Variants in MEIS1 observed in about 807,000 individuals in gnomAD.
The protein encoded by MEIS1 is Meis homeobox 1.
Under a neutral mutation model 50.8 loss-of-function variants are expected in MEIS1, and 5 were observed. The observed-to-expected ratio is 0.10, with a 90% CI of 0.05 to 0.21. The LOEUF (loss-of-function observed/expected upper bound fraction) is 0.21, where lower values mean the gene tolerates loss of function less well. Ranked by LOEUF, MEIS1 falls within the 10% of genes least tolerant of loss-of-function variation. The pLI, the probability that MEIS1 is intolerant of heterozygous loss-of-function variation, is 1.00. For synonymous variants in MEIS1, 176 were observed against 179.3 expected, an observed-to-expected ratio of 0.98 and a Z score of 0.15; for missense variants, 318 against 517.3, an observed-to-expected ratio of 0.61 and a Z score of 3.74.
intron 7 of MEIS1, among the ~76,000 whole-genome samples, chr2:66,472,978 A>G (rs956716743): frequency 2.0e-5 from 3 of 152,200 alleles, no homozygotes; most frequent in African/African-American, 7.2e-5. Flanking sequence ...ATACCTTATC[A>G]GAGTAATATA....
chr2:66,490,149 C>T (rs1038894525), intron 7 of MEIS1, among the ~76,000 whole-genome samples: 4 of 152,176 alleles, frequency 2.6e-5, no homozygotes, highest in African/African-American at 4.8e-5. Context: ...GCAAATTCAG[C>T]GTCTACAGTT....
chr2:66,441,375 G>A (rs1671977072), intron 4 of MEIS1, 39 bp from the exon 5 acceptor site: 3 of 1,524,232 alleles, frequency 2.0e-6, no homozygotes, highest in Non-Finnish European at 2.6e-6. Flanking sequence ...TTTTCTGCAA[G>A]CCAGGAATGG....
intron 7 of MEIS1, among the ~76,000 whole-genome samples, chr2:66,484,740 G>C (rs1222039444): frequency 6.6e-6 from 1 of 151,658 alleles, no homozygotes; most frequent in Non-Finnish European, 1.5e-5. Context: ...TTTTATTTTT[G>C]GTAGAGACAA....
chr2:66,536,878 TTCTCTC>T (rs147183784), intron 8 of MEIS1, among the ~76,000 whole-genome samples: 1 of 150,620 alleles, frequency 6.6e-6, no homozygotes, highest in South Asian at 2.1e-4. Flanking sequence ...TTAAAGTGCA[TTCTCTC>T]TCTCTCTCTC....
rs188466023 is a variant in MEIS1 at position 66,534,306 on chromosome 2, C to T, written c.889-13637C>T. Among the ~76,000 whole-genome samples, 1,240 of 152,202 alleles carry T rather than the reference C, an allele frequency of 8.1e-3. 28 individuals carry two copies. The highest frequency in any genetic ancestry group is 0.028 in the African/African-American group (1,175 of 41,530). ...ATCCCAGCACTTTGGGAGGCCAAGG[C>T]GGGCGGATCACGAGGTCAGGGGTTT... On this transcript the variant is annotated intron_variant, in intron 8 of 12. Coordinates refer to ENST00000272369, the MANE Select transcript of MEIS1 (RefSeq NM_002398.3).
chr2:66,571,287 C>G lies in MEIS1; in HGVS notation c.*79C>G, dbSNP rs1675481182. Reference sequence around the variant, plus strand: ...AGGGGAGTATGTAGCCCGGGGTGGTCCAATGGGTGTGAGTATGGGACAGCC... The same window carrying G: ...AGGGGAGTATGTAGCCCGGGGTGGTGCAATGGGTGTGAGTATGGGACAGCC... On this transcript the variant is annotated 3_prime_UTR_variant, in exon 13 of 13. Coordinates refer to ENST00000272369, the MANE Select transcript of MEIS1 (RefSeq NM_002398.3). The G allele has an allele frequency of 6.3e-7, 1 of 1,597,216 alleles. No individual in the cohort carries two copies. The highest frequency in any genetic ancestry group is 1.3e-5 in the African/African-American group (1 of 74,502).
rs1220838562 is a variant in MEIS1, at chr2:66,435,780, G to C, written c.-77G>C. ...TTTTTTTTTTTTTCCGGGGGAGTTT[G>C]AATATTTGTTTCTTTTCACACTGGC... On this transcript the variant is annotated 5_prime_UTR_variant, in exon 1 of 13. Coordinates refer to ENST00000272369, the MANE Select transcript of MEIS1 (RefSeq NM_002398.3). 1 of 395,676 alleles carries C rather than the reference G, an allele frequency of 2.5e-6. No individual in the cohort carries two copies. Among genetic ancestry groups the C allele is most frequent in the Non-Finnish European group, 4.2e-6 (1 of 237,422 alleles). The allele number at this position is 395,676 out of a possible 1,614,324, so 24.5% of individuals were successfully genotyped here.
chr2:66,521,866 T>A (rs143111237), intron 8 of MEIS1, among the ~76,000 whole-genome samples: 2 of 152,340 alleles, frequency 1.3e-5, no homozygotes, highest in African/African-American at 4.8e-5. Flanking sequence ...GCTCCTGAGC[T>A]ACAAAGCAAT....
chr2:66,447,554 A>G (rs1407652339), intron 6 of MEIS1, among the ~76,000 whole-genome samples: 3 of 152,186 alleles, frequency 2.0e-5, no homozygotes, highest in Non-Finnish European at 4.4e-5. Context: ...TAGGCCCTTT[A>G]TTACATAGCA....
rs1415946003 is a variant in MEIS1, at chr2:66,571,768, A to G, written c.*560A>G. On this transcript the variant is annotated 3_prime_UTR_variant, in exon 13 of 13. Transcript: ENST00000272369. ...ATATTGTAAATGCTATTATACTGTT[A>G]TCCATATTACGTTGTTTCTTATAGA... 2.3e-5 allele frequency: 12 copies of G among 513,110 alleles called. No homozygotes were observed. The highest frequency in any genetic ancestry group is 3.9e-5 in the African/African-American group (2 of 50,964). 31.8% of individuals were successfully genotyped at this position (513,110 alleles called of 1,614,324 possible). A position where few individuals can be genotyped will look rare whatever the true frequency, so the allele number is the denominator to read the frequency against.
chr2:66,454,704 T>C (rs567851412), intron 6 of MEIS1: 3 of 152,240 alleles, frequency 2.0e-5, no homozygotes, highest in African/African-American at 7.2e-5. Context: ...TTAATTTGTT[T>C]GCAGAACAAG....
intron 7 of MEIS1, among the ~76,000 whole-genome samples, chr2:66,481,605 TC>T (rs2103785242): frequency 6.6e-6 from 1 of 152,314 alleles, no homozygotes; most frequent in Admixed American, 6.5e-5. Context: ...GATTTTTCAA[TC>T]CTGGTACCTT....
rs558509818 is a variant in MEIS1, at chr2:66,437,931, C to T, written c.207C>T (p.Asp69=). 472 of 1,592,744 alleles carry T rather than the reference C, an allele frequency of 3.0e-4. 3 individuals carry two copies. In the Middle Eastern group the frequency reaches 3.6e-3, roughly 12 times the overall value. ...CCAGCATGGGCTCCTCTGTCAATGACGCTTTAAAGAGAGATAAAGATGCCA... is the reference window on the plus strand; with the variant it reads ...CCAGCATGGGCTCCTCTGTCAATGATGCTTTAAAGAGAGATAAAGATGCCA... The part of the protein sequence containing the change: ...MAPSMGSSVN[D]ALKRDKDAIY... The change falls in exon 2 of 13, where the codon GAC becomes GAT. Residue 69 remains aspartate, a synonymous_variant. Transcript: ENST00000272369.
intron 9 of MEIS1, among the ~76,000 whole-genome samples, chr2:66,560,926 A>G (rs1675198219): frequency 6.6e-6 from 1 of 152,156 alleles, no homozygotes; most frequent in African/African-American, 2.4e-5. Context: ...AACTAGAAAA[A>G]GGTGCCAAAA....
At chr2:66,489,647 G>A (rs1673227376) in intron 7 of MEIS1, among the ~76,000 whole-genome samples, 1 of 152,186 alleles carries the variant, frequency 6.6e-6, no homozygotes, top group South Asian at 2.1e-4. Context: ...CTTACAAAGA[G>A]GATGAAGATA....
intron 9 of MEIS1, chr2:66,562,230 A>C (rs1675238025): frequency 6.6e-6 from 1 of 151,604 alleles, no homozygotes; most frequent in Non-Finnish European, 1.5e-5. Flanking sequence ...AGGGAAACTA[A>C]ACTTAGCAAT....
chr2:66,497,370 G>C (rs1289948943), intron 7 of MEIS1, among the ~76,000 whole-genome samples: 1 of 152,086 alleles, frequency 6.6e-6, no homozygotes, highest in Non-Finnish European at 1.5e-5. Context: ...CAAGGATTGT[G>C]AGAATTAATT....
rs1672584183 is a variant in MEIS1, at chr2:66,464,180, T to C, written c.702T>C (p.Gly234=). ...GAGGAACCCCAGGCCCTTCCAGCGGTGGCCACACGTCACACAGTGGGGACA... is the reference window on the plus strand; with the variant it reads ...GAGGAACCCCAGGCCCTTCCAGCGGCGGCCACACGTCACACAGTGGGGACA... ...RSGGTPGPSS[G]GHTSHSGDNS... is the part of the protein sequence containing the mutation. The change falls in exon 7 of 13, where the codon GGT becomes GGC. Residue 234 remains glycine, a synonymous_variant. Transcript: ENST00000272369. The C allele has an allele frequency of 6.2e-7, 1 of 1,604,780 alleles. No individual in the cohort carries two copies. Among genetic ancestry groups the C allele is most frequent in the South Asian group, 1.1e-5 (1 of 88,712 alleles).
At chr2:66,537,061 A>C (rs1001141849) in intron 8 of MEIS1, among the ~76,000 whole-genome samples, 17 of 152,220 alleles carry the variant, frequency 1.1e-4, no homozygotes, top group African/African-American at 4.1e-4. Context: ...GAATGTTCAC[A>C]TACTTGGCTG....
Sources: allele counts gnomAD v4.1 joint callset (sites outside exome capture counted in the v4.1 genomes callset), GRCh38; gene constraint gnomAD v4.1.1; transcripts MANE v1.5; gene names NCBI Gene and HGNC (gene_info 2026-07-23, HGNC 2026-07-21).